Variants in RYR2 observed in about 807,000 individuals in gnomAD.
The protein encoded by RYR2 is cardiac muscle ryanodine receptor-calcium release channel.
RYR2 carries 227 observed loss-of-function variants against 601.1 expected under a neutral mutation model. The ratio of observed to expected loss-of-function variants is 0.38; its 90% confidence interval spans 0.34 to 0.42. RYR2 has a LOEUF of 0.42. RYR2 is among the 10% of genes least tolerant of loss of function. RYR2 has a pLI of 1.00. For missense variants in RYR2, 4,646 were observed against 6,156.5 expected, an observed-to-expected ratio of 0.75 and a Z score of 8.21; for synonymous variants, 2,223 against 2,175.1, an observed-to-expected ratio of 1.02 and a Z score of -0.61.
chr1:237,152,381 G>A (rs1193935915), intron 1 of RYR2, among the ~76,000 whole-genome samples: 1 of 152,190 alleles, frequency 6.6e-6, no homozygotes, highest in Non-Finnish European at 1.5e-5. Context: ...TAATGGGATG[G>A]CTGGGTCAAA....
intron 29 of RYR2, among the ~76,000 whole-genome samples, chr1:237,570,338 ATTTTT>A (rs202206483): frequency 7.0e-6 from 1 of 143,016 alleles, no homozygotes. Context: ...GTTAGTTTGA[ATTTTT>A]TTTTTTTTTT....
At chr1:237,463,705 T>C (rs1046613418) in intron 16 of RYR2, among the ~76,000 whole-genome samples, 2 of 152,168 alleles carry the variant, frequency 1.3e-5, no homozygotes, top group African/African-American at 4.8e-5. Context: ...TAACTTAGTC[T>C]TTAATTAGGC....
chr1:237,814,161 C>T (rs1355630428), intron 100 of RYR2, among the ~76,000 whole-genome samples: 1 of 152,142 alleles, frequency 6.6e-6, no homozygotes, highest in African/African-American at 2.4e-5. Flanking sequence ...TTTAAAAAGC[C>T]AACAAAATTT....
chr1:237,250,385 A>G (rs1687326661), intron 1 of RYR2, among the ~76,000 whole-genome samples: 1 of 152,166 alleles, frequency 6.6e-6, no homozygotes, highest in African/African-American at 2.4e-5. Flanking sequence ...CTAGTAGTGC[A>G]TTTTATCTTC....
intron 38 of RYR2, 26 bp downstream of exon 38, chr1:237,617,512 C>T (rs769617099): frequency 4.4e-5 from 71 of 1,602,500 alleles, no homozygotes; most frequent in African/African-American, 3.5e-4. Context: ...GAAAATTCTT[C>T]GTATTTATGT....
chr1:237,101,414 AT>A (rs538771834), intron 1 of RYR2, among the ~76,000 whole-genome samples: 8 of 150,216 alleles, frequency 5.3e-5, no homozygotes, highest in African/African-American at 9.8e-5. Flanking sequence ...GCAGTGGTAG[AT>A]TTTTTTTTAA....
rs1694435981 is a variant in RYR2 at position 237,773,658 on chromosome 1, T to G, written c.11775+10T>G. On this transcript the variant is annotated intron_variant, in intron 87 of 104. Coordinates refer to ENST00000366574, the MANE Select transcript of RYR2 (RefSeq NM_001035.3). ...TACAGAGTATATTCAGGTAAACATT[T>G]AAACATGGCTGCTATCTGTAGCACT... 1.9e-6 allele frequency: 3 copies of G among 1,609,422 alleles called. No homozygotes were observed. The highest frequency in any genetic ancestry group is 2.5e-6 in the Non-Finnish European group (3 of 1,177,038).
At chr1:237,331,671 A>AT (rs34015889) in intron 3 of RYR2, among the ~76,000 whole-genome samples, 275 of 134,826 alleles carry the variant, frequency 2.0e-3, no homozygotes, top group East Asian at 0.014. Context: ...ACACCTGGCT[A>AT]TTTTTTTTTT....
chr1:237,484,215 T>C (rs1662430221), intron 17 of RYR2, among the ~76,000 whole-genome samples: 1 of 152,204 alleles, frequency 6.6e-6, no homozygotes, highest in Non-Finnish European at 1.5e-5. Flanking sequence ...GAGACTTTCC[T>C]TCTCCCAGAG....
intron 1 of RYR2, among the ~76,000 whole-genome samples, chr1:237,266,362 G>A (rs1247564101): frequency 6.6e-6 from 1 of 151,954 alleles, no homozygotes; most frequent in African/African-American, 2.4e-5. Flanking sequence ...GTACATGTAT[G>A]TGTGAGCATG....
Position 237,394,625 on chromosome 1 carries a change from C to T in RYR2, c.773+6442C>T, listed in dbSNP as rs538431438. 1.5e-4 allele frequency among the ~76,000 whole-genome samples: 23 copies of T among 152,284 alleles called. No individual in the cohort carries two copies. In the South Asian group the frequency reaches 4.4e-3, roughly 29 times the overall value. On this transcript the variant is annotated intron_variant, in intron 10 of 104. Coordinates refer to ENST00000366574, the MANE Select transcript of RYR2 (RefSeq NM_001035.3). ...CGCTTATAATTTCACTCTGAAATAA[C>T]CTTTTAAGACTGGATCTGCTTTTCA...
intron 25 of RYR2, among the ~76,000 whole-genome samples, chr1:237,533,733 G>A (rs1043038271): frequency 6.6e-6 from 1 of 152,012 alleles, no homozygotes; most frequent in Admixed American, 6.6e-5. Context: ...ACTTCGATAA[G>A]GACTGACTTT....
At chr1:237,065,387 C>CAA (rs1663465925) in intron 1 of RYR2, among the ~76,000 whole-genome samples, 1 of 148,624 alleles carries the variant, frequency 6.7e-6, no homozygotes, top group South Asian at 2.2e-4. Context: ...TCAAGCCATT[C>CAA]TCCTGCCTCA....
intron 24 of RYR2, among the ~76,000 whole-genome samples, chr1:237,525,961 CAA>C (rs952001280): frequency 1.5e-5 from 2 of 134,152 alleles, no homozygotes; most frequent in Non-Finnish European, 3.2e-5. Context: ...GCCTGGGTGA[CAA>C]GAGCAAAACT....
intron 1 of RYR2, among the ~76,000 whole-genome samples, chr1:237,213,504 A>C (rs1304029414): frequency 6.6e-6 from 1 of 152,000 alleles, no homozygotes; most frequent in Non-Finnish European, 1.5e-5. Flanking sequence ...TTTAGTAGTG[A>C]GGCTGAACTT....
chr1:237,812,653 C>CTCA (rs1332088192), intron 100 of RYR2, among the ~76,000 whole-genome samples: 1 of 152,150 alleles, frequency 6.6e-6, no homozygotes, highest in African/African-American at 2.4e-5. Flanking sequence ...TGCCTTAATA[C>CTCA]TTGAGATCCA....
intron 2 of RYR2, among the ~76,000 whole-genome samples, chr1:237,289,762 T>C (rs1017141845): frequency 6.6e-6 from 1 of 152,204 alleles, no homozygotes; most frequent in African/African-American, 2.4e-5. Context: ...TATACATAAT[T>C]AAAAAATTCA....
Position 237,709,579 on chromosome 1 carries a change from A to C in RYR2, c.10230+12A>C. 6.4e-7 allele frequency: 1 copy of C among 1,563,750 alleles called. No individual in the cohort carries two copies. The highest frequency in any genetic ancestry group is 1.1e-5 in the South Asian group (1 of 87,374). The stretch of plus-strand genomic sequence containing the variant: ...GGTCGAAGTCCCATGTGAGTGTGAA[A>C]ATATTGATAGATCACGCCTACTGTT... On this transcript the variant is annotated intron_variant, in intron 70 of 104. Coordinates refer to ENST00000366574, the MANE Select transcript of RYR2 (RefSeq NM_001035.3).
rs537596022 is a variant in RYR2 at position 237,106,708 on chromosome 1, A to G, written c.48+64139A>G. Among the ~76,000 whole-genome samples, 4 of 152,302 alleles carry G rather than the reference A, an allele frequency of 2.6e-5. No individual in the cohort carries two copies. The highest frequency in any genetic ancestry group is 2.1e-4 in the South Asian group (1 of 4,822). The stretch of plus-strand genomic sequence containing the variant: ...CACCTTCGTCCATTTGGGCTGCTAT[A>G]ACAAAATGCCATGGACTGGGAGGCT... On this transcript the variant is annotated intron_variant, in intron 1 of 104. Coordinates refer to ENST00000366574, the MANE Select transcript of RYR2 (RefSeq NM_001035.3). The surrounding 1 kb of genome is among the most constrained non-coding windows in gnomAD (Gnocchi z 4.4).
Sources: gnomAD v4.1 joint callset for allele counts (sites outside exome capture counted in the v4.1 genomes callset) on GRCh38, gnomAD v4.1.1 for gene constraint, Gnocchi (gnomAD v3.1) non-coding constraint, MANE v1.5 for transcripts, NCBI Gene and HGNC (gene_info 2026-07-23, HGNC 2026-07-21) for gene names.